Variants in FHIT observed in about 807,000 individuals in gnomAD.
The protein encoded by FHIT is fragile histidine triad diadenosine triphosphatase, also known as bis(5'-adenosyl)-triphosphatase.
A neutral mutation model predicts 17.9 loss-of-function variants in FHIT; 19 were observed. The ratio of observed to expected loss-of-function variants is 1.06; its 90% CI spans 0.74 to 1.56. The LOEUF is 1.56. FHIT is among the 40% of genes most tolerant of loss of function. FHIT has a pLI of 0.00. For synonymous variants in FHIT, 81 were observed against 69.7 expected (o/e 1.16, Z -0.81); for missense variants, 248 against 189.2 (o/e 1.31, Z -1.82).
chr3:60,204,543 G>A (rs190243500), intron 5 of FHIT, among the ~76,000 whole-genome samples: 299 of 151,108 alleles, frequency 2.0e-3, no homozygotes, highest in Admixed American at 4.0e-3. Context: ...TTCCTGCCTC[G>A]GCCTCCCAAA....
chr3:61,016,844 A>T (rs1322740061), intron 3 of FHIT, among the ~76,000 whole-genome samples: 1 of 152,262 alleles, frequency 6.6e-6, no homozygotes, highest in African/African-American at 2.4e-5. Flanking sequence ...TCTGTTCTGA[A>T]AGTCTGCACA....
intron 4 of FHIT, among the ~76,000 whole-genome samples, chr3:60,583,961 A>T (rs1401478428): frequency 1.3e-5 from 2 of 152,102 alleles, no homozygotes; most frequent in Non-Finnish European, 2.9e-5. Flanking sequence ...AATATTACAG[A>T]ATCTGGAATC....
chr3:60,317,387 A>C (rs950060744), intron 5 of FHIT, among the ~76,000 whole-genome samples: 2 of 151,632 alleles, frequency 1.3e-5, no homozygotes, highest in Non-Finnish European at 2.9e-5. Flanking sequence ...CCCTTTACCA[A>C]ATGGTCTATT....
At chr3:60,153,253 C>G (rs538919349) in intron 5 of FHIT, among the ~76,000 whole-genome samples, 21 of 151,380 alleles carry the variant, frequency 1.4e-4, no homozygotes, top group Admixed American at 2.0e-4. Context: ...TAGTAAAACC[C>G]AGACTAGAAC....
In FHIT at chr3:60,618,680, G is replaced by C. The variant is rs139329947; in HGVS notation, c.-17-81701C>G. On this transcript the variant is annotated intron_variant, in intron 4 of 9. Transcript: ENST00000492590. ...AAGCTGCGAATATGTTATGCAAAAAGATTTTGCAAATGTGATTAAGTTGAA... is the reference window on the plus strand; with the variant it reads ...AAGCTGCGAATATGTTATGCAAAAACATTTTGCAAATGTGATTAAGTTGAA... 1.4e-3 allele frequency among the ~76,000 whole-genome samples: 218 copies of C among 152,288 alleles called. 1 individual carries two copies. The highest frequency in any genetic ancestry group is 5.2e-3 in the African/African-American group (215 of 41,572).
At chr3:59,797,677 G>T (rs2106958483) in intron 8 of FHIT, among the ~76,000 whole-genome samples, 1 of 152,264 alleles carries the variant, frequency 6.6e-6, no homozygotes, top group South Asian at 2.1e-4. Flanking sequence ...CATTGAGACA[G>T]ATTTTAATTC....
chr3:60,601,893 C>G (rs368234777), intron 4 of FHIT, among the ~76,000 whole-genome samples: 2 of 151,314 alleles, frequency 1.3e-5, no homozygotes, highest in East Asian at 3.9e-4. Flanking sequence ...TATTACATAC[C>G]AATAAAAACT....
At chr3:59,928,035 G>A (rs1406029323) in intron 7 of FHIT, among the ~76,000 whole-genome samples, 1 of 152,038 alleles carries the variant, frequency 6.6e-6, no homozygotes, top group Non-Finnish European at 1.5e-5. Context: ...CATGGCTCAT[G>A]GCGGGGGAAA....
chr3:60,848,003 G>A (rs1423863060), intron 3 of FHIT, among the ~76,000 whole-genome samples: 1 of 152,106 alleles, frequency 6.6e-6, no homozygotes, highest in African/African-American at 2.4e-5. Flanking sequence ...CCCCTAGTTT[G>A]CACTTCCTAC....
intron 3 of FHIT, among the ~76,000 whole-genome samples, chr3:60,952,172 C>T (rs12330305): frequency 0.024 from 3,263 of 137,490 alleles, 164 homozygotes; most frequent in African/African-American, 0.087. Context: ...CCTCCCCACC[C>T]CCCCCCCAAA....
chr3:61,216,710 C>G (rs565548989), intron 1 of FHIT, among the ~76,000 whole-genome samples: 11 of 152,134 alleles, frequency 7.2e-5, no homozygotes, highest in Non-Finnish European at 1.5e-4. Context: ...TTTATTGCAG[C>G]ACTATTCACA....
intron 6 of FHIT, among the ~76,000 whole-genome samples, chr3:60,013,779 C>T (rs1470205120): frequency 6.6e-6 from 1 of 152,180 alleles, no homozygotes; most frequent in African/African-American, 2.4e-5. Flanking sequence ...CCATTACTCC[C>T]ACCTGCTTGG....
intron 3 of FHIT, among the ~76,000 whole-genome samples, chr3:61,024,872 G>A (rs2032651003): frequency 6.6e-6 from 1 of 151,850 alleles, no homozygotes; most frequent in Non-Finnish European, 1.5e-5. Flanking sequence ...TCTGATTAAT[G>A]TACAAGTGAC....
At chr3:59,879,677 G>A (rs1427422053) in intron 8 of FHIT, among the ~76,000 whole-genome samples, 1 of 152,110 alleles carries the variant, frequency 6.6e-6, no homozygotes, top group African/African-American at 2.4e-5. Flanking sequence ...GAAAAATAAA[G>A]TTAATAACAC....
chr3:60,856,473 A>C (rs1470057520), intron 3 of FHIT: 1 of 152,164 alleles, frequency 6.6e-6, no homozygotes, highest in Non-Finnish European at 1.5e-5. Flanking sequence ...GTTGCAATGA[A>C]GCAACACCAA....
chr3:60,820,518 T>G (rs1553738988), intron 4 of FHIT, among the ~76,000 whole-genome samples: 1 of 152,148 alleles, frequency 6.6e-6, no homozygotes, highest in Non-Finnish European at 1.5e-5. Context: ...CATTAGGAAG[T>G]AAAGATGCCT....
chr3:60,446,897 AAT>A (rs1553774436), intron 5 of FHIT, among the ~76,000 whole-genome samples: 4 of 143,150 alleles, frequency 2.8e-5, no homozygotes, highest in Non-Finnish European at 3.1e-5. Flanking sequence ...TAATAATAAT[AAT>A]AAAAAGCCTT....
chr3:60,063,759 G>C (rs1171134437), intron 5 of FHIT, among the ~76,000 whole-genome samples: 2 of 152,132 alleles, frequency 1.3e-5, no homozygotes, highest in Non-Finnish European at 2.9e-5. Flanking sequence ...CTTCCAAATA[G>C]TATGCCAGAA....
intron 4 of FHIT, among the ~76,000 whole-genome samples, chr3:60,547,267 A>C (rs1458461846): frequency 3.3e-5 from 5 of 152,178 alleles, no homozygotes. Context: ...CTTAGCAAAT[A>C]TGGAGATGGT....
Sources: gnomAD v4.1 joint callset for allele counts (sites outside exome capture counted in the v4.1 genomes callset) on GRCh38, gnomAD v4.1.1 for gene constraint, MANE v1.5 for transcripts, NCBI Gene and HGNC (gene_info 2026-07-23, HGNC 2026-07-21) for gene names.